The following SYNPO2 variants were observed in gnomAD, a reference collection of about 807,000 sequenced individuals.
SYNPO2 encodes the protein synaptopodin-2.
A neutral mutation model predicts 85.0 loss-of-function variants in SYNPO2; 56 were observed. The ratio of observed to expected loss-of-function variants is 0.66; its 90% CI spans 0.53 to 0.82. The LOEUF is 0.82. Ranked by LOEUF, SYNPO2 falls within the 40% of genes least tolerant of loss-of-function variation. The probability of loss-of-function intolerance (pLI) is 0.00; values close to 1 mark genes in which losing one functional copy is unlikely to be tolerated. For missense variants in SYNPO2, 1,575 were observed against 1,534.2 expected, an observed-to-expected ratio of 1.03 and a Z score of -0.44; for synonymous variants, 602 against 591.1, an observed-to-expected ratio of 1.02 and a Z score of -0.27.
At chr4:118,963,136 T>C (rs756506066) in intron 1 of SYNPO2, among the ~76,000 whole-genome samples, 3 of 152,188 alleles carry the variant, frequency 2.0e-5, no homozygotes, top group Non-Finnish European at 2.9e-5. Context: ...CTATAACACC[T>C]TTGGTGAGAG....
chr4:118,852,096 A>G (rs1201327216), intron 1 of SYNPO2, among the ~76,000 whole-genome samples: 1 of 152,208 alleles, frequency 6.6e-6, no homozygotes, highest in Admixed American at 6.5e-5. Context: ...GTCACTTAGA[A>G]AATATTGATT....
intron 1 of SYNPO2, among the ~76,000 whole-genome samples, chr4:118,916,743 T>TC (rs1395709294): frequency 2.0e-5 from 3 of 147,352 alleles, no homozygotes; most frequent in African/African-American, 7.4e-5. Context: ...TTTTTTTTTT[T>TC]TTTTCTAGAA....
chr4:118,920,581 G>A (rs1003999205), intron 1 of SYNPO2, among the ~76,000 whole-genome samples: 1 of 152,058 alleles, frequency 6.6e-6, no homozygotes, highest in African/African-American at 2.4e-5. Flanking sequence ...CAGAGGAAAG[G>A]CAATAATTTT....
intron 4 of SYNPO2, chr4:119,036,812 C>A (rs1738531251): frequency 2.0e-6 from 2 of 1,022,748 alleles, no homozygotes; most frequent in African/African-American, 3.4e-5. Context: ...GAAATCACAG[C>A]ACTACTCAGA....
intron 1 of SYNPO2, among the ~76,000 whole-genome samples, chr4:118,878,375 G>C (rs1156394563): frequency 6.6e-6 from 1 of 152,070 alleles, no homozygotes; most frequent in Non-Finnish European, 1.5e-5. Context: ...AAATAAATAA[G>C]ATGAAATAAA....
intron 1 of SYNPO2, among the ~76,000 whole-genome samples, chr4:119,018,357 T>G (rs1053896695): frequency 3.9e-5 from 6 of 152,172 alleles, no homozygotes; most frequent in Admixed American, 6.5e-5. Flanking sequence ...TGATGGACAC[T>G]TGGGTTGATT....
At chr4:118,887,560 A>C (rs920616623), upstream of SYNPO2, among the ~76,000 whole-genome samples, 3 of 152,104 alleles carry the variant, frequency 2.0e-5, no homozygotes, top group Non-Finnish European at 4.4e-5. Context: ...TTCACCAAAA[A>C]TTGGGTCCAT....
chr4:119,014,707 A>C (rs1030412780), intron 1 of SYNPO2, among the ~76,000 whole-genome samples: 2 of 152,236 alleles, frequency 1.3e-5, no homozygotes, highest in Non-Finnish European at 2.9e-5. Context: ...TCTATAGATC[A>C]CATACTCTTA....
At chr4:119,007,237 T>C (rs75075943) in intron 1 of SYNPO2, among the ~76,000 whole-genome samples, 12,693 of 52,490 alleles carry the variant, frequency 0.24, 1,602 homozygotes, top group South Asian at 0.45. Context: ...TATATATATA[T>C]ATATATATGT....
chr4:119,026,152 A>C (rs1737932584), intron 2 of SYNPO2, among the ~76,000 whole-genome samples: 1 of 152,216 alleles, frequency 6.6e-6, no homozygotes, highest in Non-Finnish European at 1.5e-5. Context: ...CCTTTCAAGA[A>C]AGCACAGCCT....
chr4:118,906,908 A>G (rs28679449), intron 1 of SYNPO2, among the ~76,000 whole-genome samples: 169 of 152,148 alleles, frequency 1.1e-3, no homozygotes, highest in African/African-American at 3.9e-3. Context: ...TCCAACTCCA[A>G]GTGTTCCTCC....
rs77671173 is a variant in SYNPO2 at position 119,034,315 on chromosome 4, G to A, written c.3252+2288G>A. On this transcript the variant is annotated intron_variant, in intron 4 of 4. Coordinates refer to ENST00000307142, the MANE Select transcript of SYNPO2 (RefSeq NM_133477.3). Reference sequence around the variant, plus strand: ...CACAGGTAGTCGGTTTGAGATCATCGGCTTAAAAGTATCCTAGGATGGTAA... The same window carrying A: ...CACAGGTAGTCGGTTTGAGATCATCAGCTTAAAAGTATCCTAGGATGGTAA... The A allele has an allele frequency of 1.4e-3, 1,327 of 982,776 alleles. 63 individuals are homozygous for A. In the East Asian group the frequency reaches 0.099, roughly 74 times the overall value. The allele number at this position is 982,776 out of a possible 1,614,324, so 60.9% of individuals were successfully genotyped here.
intron 4 of SYNPO2, chr4:119,042,193 C>G (rs895262918): frequency 6.6e-6 from 1 of 152,144 alleles, no homozygotes; most frequent in Admixed American, 6.5e-5. Context: ...GGCAGCCATT[C>G]TAAAGCTCGT....
At chr4:118,898,158 T>G (rs1732608164) in intron 1 of SYNPO2, among the ~76,000 whole-genome samples, 1 of 152,156 alleles carries the variant, frequency 6.6e-6, no homozygotes, top group Non-Finnish European at 1.5e-5. Context: ...TGACCATTTT[T>G]GAGAATTTTG....
chr4:118,955,577 G>A (rs555091132), intron 1 of SYNPO2, among the ~76,000 whole-genome samples: 60 of 152,092 alleles, frequency 3.9e-4, no homozygotes, highest in Admixed American at 5.9e-4. Flanking sequence ...GAGAAGTAGC[G>A]GATAGAAAGC....
rs114166051 is a variant in SYNPO2 at position 118,868,762 on chromosome 4, A to G, written c.12+17822A>G. 3.9e-3 allele frequency among the ~76,000 whole-genome samples: 599 copies of G among 152,344 alleles called. 2 individuals are homozygous for G. The highest frequency in any genetic ancestry group is 0.014 in the African/African-American group (575 of 41,578). ...ATTACCCAAGTTAGAAAGAAGGAAA[A>G]TGGAAGGAAATACTTTATTTAAGGC... On this transcript the variant is annotated intron_variant, in intron 1 of 4. Transcript: ENST00000610556.
At chr4:118,881,300 T>C (rs1335039474) in intron 1 of SYNPO2, among the ~76,000 whole-genome samples, 1 of 95,624 alleles carries the variant, frequency 1.0e-5, no homozygotes, top group African/African-American at 3.4e-5. Flanking sequence ...AAACTCCGTC[T>C]CAAAAAAAAA....
chr4:119,051,481 G>A (rs1469318225), intron 4 of SYNPO2, among the ~76,000 whole-genome samples: 2 of 151,972 alleles, frequency 1.3e-5, no homozygotes, highest in African/African-American at 2.4e-5. Context: ...GTGAGCCACC[G>A]CGCCCGGCCG....
Position 119,026,669 on chromosome 4 carries a change from A to G in SYNPO2, c.300A>G (p.Glu100=), listed in dbSNP as rs143593795. ...GISEALISEN[E]NKNLEHLTHG... ...GTGAGGCTTTGATATCTGAAAATGA[A>G]AACAAAAACCTCGAGCATCTCACAC... Residue 100 remains glutamate (E), a synonymous_variant, in exon 3 of 5, where the codon GAA becomes GAG. Transcript: ENST00000307142. The G allele has an allele frequency of 7.9e-5, 127 of 1,612,232 alleles. 1 individual carries two copies. In the East Asian group the frequency reaches 2.8e-3, roughly 35 times the overall value.
Sources: allele counts gnomAD v4.1 joint callset (sites outside exome capture counted in the v4.1 genomes callset), GRCh38; gene constraint gnomAD v4.1.1; transcripts MANE v1.5; gene names NCBI Gene and HGNC (gene_info 2026-07-23, HGNC 2026-07-21).